Variants in LTBP1 observed in about 807,000 individuals in gnomAD.
The protein encoded by LTBP1 is latent-transforming growth factor beta-binding protein 1.
A neutral mutation model predicts 207.6 loss-of-function variants in LTBP1; 129 were observed. The ratio of observed to expected loss-of-function variants is 0.62; its 90% CI spans 0.54 to 0.72. The LOEUF (loss-of-function observed/expected upper bound fraction) is 0.72. LTBP1 is among the 30% of genes least tolerant of loss of function. LTBP1 has a pLI of 0.00. For synonymous variants in LTBP1, 963 were observed against 833.7 expected, an observed-to-expected ratio of 1.16 and a Z score of -2.67; for missense variants, 2,281 against 2,217.2, an observed-to-expected ratio of 1.03 and a Z score of -0.58.
chr2:33,038,577 A>C (rs1460770654), intron 3 of LTBP1, among the ~76,000 whole-genome samples: 1 of 152,222 alleles, frequency 6.6e-6, no homozygotes, highest in Non-Finnish European at 1.5e-5. Flanking sequence ...TATTTTGTCC[A>C]GCAATCTTAG....
chr2:33,077,194 G>T (rs1434604731), intron 3 of LTBP1, among the ~76,000 whole-genome samples: 3 of 152,140 alleles, frequency 2.0e-5, no homozygotes, highest in African/African-American at 7.2e-5. Flanking sequence ...CTAATCAATG[G>T]GAAGGTTGTT....
chr2:33,332,702 G>A (rs761920385), intron 24 of LTBP1, among the ~76,000 whole-genome samples: 33 of 152,002 alleles, frequency 2.2e-4, no homozygotes, highest in East Asian at 1.7e-3. Context: ...GACTACAGGC[G>A]CCCACCACCA....
chr2:33,054,856 G>A (rs1558571260), intron 3 of LTBP1, among the ~76,000 whole-genome samples: 1 of 152,174 alleles, frequency 6.6e-6, no homozygotes, highest in Non-Finnish European at 1.5e-5. Context: ...CTGGTTGGGG[G>A]CTTCTGACCC....
chr2:33,100,987 A>G (rs1000424636), intron 3 of LTBP1, among the ~76,000 whole-genome samples: 3 of 152,214 alleles, frequency 2.0e-5, no homozygotes, highest in Non-Finnish European at 4.4e-5. Context: ...GCTGTTATGA[A>G]TAATGCTGCA....
chr2:33,396,794 G>T (rs972718412), intron 32 of LTBP1, among the ~76,000 whole-genome samples: 5 of 152,160 alleles, frequency 3.3e-5, no homozygotes, highest in African/African-American at 1.2e-4. Flanking sequence ...TCTGACACTT[G>T]CCCTACTGCA....
At chr2:33,003,972 G>A (rs894004798) in intron 2 of LTBP1, among the ~76,000 whole-genome samples, 1 of 152,094 alleles carries the variant, frequency 6.6e-6, no homozygotes, top group African/African-American at 2.4e-5. Context: ...CTGTACCCAA[G>A]GATAATTGTC....
intron 24 of LTBP1, among the ~76,000 whole-genome samples, chr2:33,319,106 C>T (rs941400424): frequency 6.6e-6 from 1 of 152,032 alleles, no homozygotes; most frequent in Non-Finnish European, 1.5e-5. Context: ...TCTCTTAAAA[C>T]AAAAAATCTG....
chr2:33,064,099 C>T (rs898883555), intron 3 of LTBP1, among the ~76,000 whole-genome samples: 10 of 152,136 alleles, frequency 6.6e-5, no homozygotes, highest in Admixed American at 6.5e-5. Flanking sequence ...ATGATTTACC[C>T]GCCTTGGCCT....
chr2:33,056,534 A>G (rs2077008884), intron 3 of LTBP1: 2 of 577,276 alleles, frequency 3.5e-6, no homozygotes, highest in South Asian at 6.6e-5. Flanking sequence ...ATGTGTCCAG[A>G]TTTGGCGGGT....
intron 28 of LTBP1, among the ~76,000 whole-genome samples, chr2:33,362,903 T>C (rs1004124549): frequency 6.6e-6 from 1 of 152,176 alleles, no homozygotes; most frequent in African/African-American, 2.4e-5. Context: ...ATTAATTCTG[T>C]GGGGGAATGG....
At chr2:33,086,117 A>G (rs1378813754) in intron 3 of LTBP1, among the ~76,000 whole-genome samples, 1 of 152,210 alleles carries the variant, frequency 6.6e-6, no homozygotes, top group Non-Finnish European at 1.5e-5. Flanking sequence ...ATGTGTATTC[A>G]CCCACTGTGA....
intron 5 of LTBP1, among the ~76,000 whole-genome samples, chr2:33,172,491 C>T (rs4637087): frequency 0.48 from 72,714 of 151,988 alleles, 17,728 homozygotes; most frequent in Non-Finnish European, 0.52. Flanking sequence ...CAGGAGCACC[C>T]AGTTTCATAA....
At chr2:33,223,784 A>G (rs1050509275) in intron 9 of LTBP1, among the ~76,000 whole-genome samples, 1 of 152,188 alleles carries the variant, frequency 6.6e-6, no homozygotes, top group African/African-American at 2.4e-5. Flanking sequence ...CTTTTGGTTA[A>G]TAAAGTCAAC....
intron 25 of LTBP1, among the ~76,000 whole-genome samples, chr2:33,344,767 C>T (rs1233261823): frequency 6.6e-6 from 1 of 152,232 alleles, no homozygotes; most frequent in Non-Finnish European, 1.5e-5. Flanking sequence ...AACTTTCTCA[C>T]TTCTCCCTGG....
intron 2 of LTBP1, among the ~76,000 whole-genome samples, chr2:32,979,713 T>C (rs1682461912): frequency 6.6e-6 from 1 of 152,148 alleles, no homozygotes; most frequent in African/African-American, 2.4e-5. Context: ...ATTGTGTAGA[T>C]TAAGTCCATG....
chr2:33,275,946 G>C (rs780527760), intron 18 of LTBP1, 23 bp downstream of exon 18: 2 of 1,554,140 alleles, frequency 1.3e-6, no homozygotes, highest in Non-Finnish European at 8.7e-7. Context: ...AGAGTGTTCA[G>C]CACACATGAC....
rs1361450014 is a variant in LTBP1 at position 33,252,811 on chromosome 2, C to T, written c.2134C>T (p.Pro712Ser). ...TTGTAGTGTGGGCAAGGCCTGGGGC[C>T]CACACTGTGAGAAATGTCCCCTTCC... ...CCCSVGKAWG[P>S]HCEKCPLPGT... is the part of the protein sequence containing the mutation. The change falls in exon 11 of 34, where the codon CCA becomes TCA. Residue 712 changes from proline (P) to serine (S), a missense_variant. Pro to Ser is a moderately conservative substitution (Grantham distance 74). Transcript: ENST00000404816. The T allele has an allele frequency of 6.8e-6, 11 of 1,610,260 alleles. No homozygotes were observed. Among genetic ancestry groups the T allele is most frequent in the South Asian group, 1.1e-5 (1 of 90,372 alleles).
chr2:33,287,276 C>G (rs2093685172), intron 19 of LTBP1, among the ~76,000 whole-genome samples: 2 of 152,136 alleles, frequency 1.3e-5, no homozygotes, highest in Admixed American at 6.5e-5. Flanking sequence ...GATTCCCAAA[C>G]AAGTGAATGG....
At chr2:33,041,854 C>T (rs13025459) in intron 3 of LTBP1, among the ~76,000 whole-genome samples, 4 of 152,070 alleles carry the variant, frequency 2.6e-5, no homozygotes, top group Non-Finnish European at 5.9e-5. Flanking sequence ...CATCTAGTTG[C>T]ATTTATTTGA....
Sources: gnomAD v4.1 joint callset for allele counts (sites outside exome capture counted in the v4.1 genomes callset) on GRCh38, gnomAD v4.1.1 for gene constraint, MANE v1.5 for transcripts, NCBI Gene and HGNC (gene_info 2026-07-23, HGNC 2026-07-21) for gene names.